The following OSBPL9 variants were observed in gnomAD, a reference collection of about 807,000 sequenced individuals.
OSBPL9 encodes the protein oxysterol binding protein like 9.
In OSBPL9, 40 loss-of-function variants were observed where a neutral mutation model predicts 106.6. That is an observed-to-expected ratio of 0.38 (90% CI 0.29 to 0.49). OSBPL9 has a LOEUF of 0.49. OSBPL9 is among the 20% of genes least tolerant of loss of function. The pLI is 0.97. For synonymous variants in OSBPL9, 269 were observed against 295.4 expected (o/e 0.91, Z 0.92); for missense variants, 609 against 887.2 (o/e 0.69, Z 3.98).
intron 5 of OSBPL9, 115 bp downstream of exon 5, chr1:51,745,746 C>T: frequency 7.8e-7 from 1 of 1,274,516 alleles, no homozygotes; most frequent in Non-Finnish European, 1.0e-6. Context: ...GGTTCTTCAG[C>T]AGTTTTTAAA....
chr1:51,662,964 T>A (rs954014610), intron 2 of OSBPL9, among the ~76,000 whole-genome samples: 4 of 152,086 alleles, frequency 2.6e-5, no homozygotes, highest in African/African-American at 7.2e-5. Context: ...CAGGATGGTC[T>A]TGATCACCTG....
intron 2 of OSBPL9, among the ~76,000 whole-genome samples, chr1:51,656,004 A>G (rs1284639628): frequency 6.6e-6 from 1 of 152,234 alleles, no homozygotes; most frequent in African/African-American, 2.4e-5. Flanking sequence ...TTTACAATAC[A>G]GTTACCAAGT....
the OSBPL9 span, among the ~76,000 whole-genome samples, chr1:51,525,002 T>A: frequency 1.3e-5 from 2 of 152,196 alleles, no homozygotes; most frequent in African/African-American, 2.4e-5. Flanking sequence ...ACAAGGCAAG[T>A]CAGAGGATGG....
chr1:51,518,954 C>T, the OSBPL9 span, among the ~76,000 whole-genome samples: 6 of 151,310 alleles, frequency 4.0e-5, no homozygotes, highest in Admixed American at 4.0e-4. Flanking sequence ...CGGCGAGGGC[C>T]GCGCGGGGCG....
At chr1:51,545,855 G>T in the OSBPL9 span, among the ~76,000 whole-genome samples, 1 of 152,210 alleles carries the variant, frequency 6.6e-6, no homozygotes, top group Non-Finnish European at 1.5e-5. Context: ...ATATATCAAG[G>T]CTTGAATAGT....
At chr1:51,766,264 C>T (rs1189506682) in intron 12 of OSBPL9, among the ~76,000 whole-genome samples, 1 of 152,106 alleles carries the variant, frequency 6.6e-6, no homozygotes, top group Non-Finnish European at 1.5e-5. Flanking sequence ...AGTAATGTGC[C>T]AGCGTTATTA....
chr1:51,595,777 C>A (rs1482826092), intron 1 of OSBPL9, among the ~76,000 whole-genome samples: 2 of 152,056 alleles, frequency 1.3e-5, no homozygotes, highest in Non-Finnish European at 1.5e-5. Flanking sequence ...AGAGGCGTAT[C>A]ATTTAATCCT....
At chr1:51,566,498 T>C in the OSBPL9 span, 4 of 152,152 alleles carry the variant, frequency 2.6e-5, no homozygotes, top group Non-Finnish European at 5.9e-5. Context: ...ATAAGTAGCA[T>C]TGGGGCGAAT....
chr1:51,530,188 A>AAAAC, the OSBPL9 span, among the ~76,000 whole-genome samples: 1 of 95,374 alleles, frequency 1.0e-5, no homozygotes, highest in Non-Finnish European at 2.2e-5. Context: ...AAAAAAAAAA[A>AAAAC]AAAACAAAAA....
the OSBPL9 span, among the ~76,000 whole-genome samples, chr1:51,537,755 G>A: frequency 6.6e-6 from 1 of 151,886 alleles, no homozygotes; most frequent in Non-Finnish European, 1.5e-5. Flanking sequence ...TGCCCAGGCT[G>A]GTCTCAATCT....
intron 3 of OSBPL9, among the ~76,000 whole-genome samples, chr1:51,706,311 TG>T (rs1273478897): frequency 2.6e-5 from 4 of 152,216 alleles, no homozygotes; most frequent in African/African-American, 7.2e-5. Context: ...GTTGTTATTG[TG>T]GTAGTTTTGG....
At chr1:51,575,839 C>T (rs1184684817), upstream of OSBPL9, among the ~76,000 whole-genome samples, 1 of 152,144 alleles carries the variant, frequency 6.6e-6, no homozygotes, top group Non-Finnish European at 1.5e-5. Flanking sequence ...TTCCCTATAC[C>T]AAAAGGAAAG....
chr1:51,622,276 C>A lies in OSBPL9; in HGVS notation c.111+5055C>A, dbSNP rs533355344. Among the ~76,000 whole-genome samples the A allele has an allele frequency of 2.6e-5, 4 of 152,148 alleles. No homozygotes were observed. The South Asian group carries it at 8.3e-4, about 32-fold the overall frequency. On this transcript the variant is annotated intron_variant, in intron 1 of 23. Transcript: ENST00000428468. ...TGGGACAAAAATCTGGGCTGCATAT[C>A]CTCTTATCAGTCAGTAAAACATAAA...
At chr1:51,627,645 T>G (rs1466886076) in intron 1 of OSBPL9, among the ~76,000 whole-genome samples, 2 of 152,352 alleles carry the variant, frequency 1.3e-5, no homozygotes, top group Non-Finnish European at 2.9e-5. Flanking sequence ...ACATATGAAT[T>G]TTAGGATGGA....
the OSBPL9 span, among the ~76,000 whole-genome samples, chr1:51,556,549 T>C: frequency 6.6e-6 from 1 of 151,958 alleles, no homozygotes; most frequent in African/African-American, 2.4e-5. Flanking sequence ...AATTAGGTAA[T>C]TTCAGAACTT....
the OSBPL9 span, chr1:51,519,117 A>G: frequency 3.0e-6 from 3 of 993,040 alleles, no homozygotes; most frequent in Non-Finnish European, 4.3e-6. Context: ...TTGGCCCACA[A>G]GCCAAGAAGT....
the OSBPL9 span, among the ~76,000 whole-genome samples, chr1:51,538,462 CA>C: frequency 1.3e-5 from 2 of 148,792 alleles, no homozygotes; most frequent in African/African-American, 5.2e-5. Context: ...TATTTAGATT[CA>C]TTTTTTTTCC....
chr1:51,582,359 G>A (rs535867325), intron 1 of OSBPL9, among the ~76,000 whole-genome samples: 34 of 151,930 alleles, frequency 2.2e-4, no homozygotes, highest in African/African-American at 7.2e-4. Flanking sequence ...ACAAAGTCTC[G>A]CTCTGTTACC....
chr1:51,772,999 TACCTCTAATA>T (rs988294034), intron 14 of OSBPL9, among the ~76,000 whole-genome samples: 1 of 152,218 alleles, frequency 6.6e-6, no homozygotes, highest in Admixed American at 6.5e-5. Context: ...GTTTTCGTCC[TACCTCTAATA>T]TTAGCAAACC....
Sources: allele counts gnomAD v4.1 joint callset (sites outside exome capture counted in the v4.1 genomes callset), GRCh38; gene constraint gnomAD v4.1.1; transcripts MANE v1.5; gene names NCBI Gene and HGNC (gene_info 2026-07-23, HGNC 2026-07-21).